Variants in CSMD2 observed in about 807,000 individuals in gnomAD.
CSMD2 encodes the protein CUB and sushi domain-containing protein 2.
Under a neutral mutation model 398.5 loss-of-function variants are expected in CSMD2, and 130 were observed. That is an observed-to-expected ratio of 0.33 (90% CI 0.28 to 0.38). The LOEUF is 0.38. Among genes scored for constraint, CSMD2 ranks in the 10% least tolerant of loss-of-function variants. The probability of loss-of-function intolerance (pLI) is 1.00; values close to 1 mark genes in which losing one functional copy is unlikely to be tolerated. For missense variants in CSMD2, 3,829 were observed against 4,764.9 expected (o/e 0.80, Z 5.78); for synonymous variants, 1,828 against 1,908.5 (o/e 0.96, Z 1.10).
At chr1:33,908,377 C>T (rs532924974) in intron 5 of CSMD2, among the ~76,000 whole-genome samples, 3 of 152,368 alleles carry the variant, frequency 2.0e-5, no homozygotes, top group African/African-American at 7.2e-5. Flanking sequence ...CCCAGAACAA[C>T]TCCTTCCATC....
Position 33,663,068 on chromosome 1 carries a change from T to C in CSMD2, c.4077A>G (p.Thr1359=). The change falls in exon 26 of 71, where the codon ACA becomes ACG. Residue 1359 remains threonine, a synonymous_variant. Coordinates refer to ENST00000373381, the MANE Select transcript of CSMD2 (RefSeq NM_001281956.2). The part of the protein sequence containing the change: ...TIGLHFLVFD[T]EEVHDVLRIW... ...TGCGCAGCACGTCGTGAACCTCCTCTGTGTCAAACACCAGGAAGTGTAGCC... is the reference window on the plus strand; with the variant it reads ...TGCGCAGCACGTCGTGAACCTCCTCCGTGTCAAACACCAGGAAGTGTAGCC... The C allele has an allele frequency of 6.2e-7, 1 of 1,614,028 alleles. No individual in the cohort carries two copies.
At chr1:33,799,980 TAG>T (rs776425102) in intron 10 of CSMD2, among the ~76,000 whole-genome samples, 76 of 152,346 alleles carry the variant, frequency 5.0e-4, no homozygotes, top group Middle Eastern at 3.4e-3. Context: ...AACTGCAGGA[TAG>T]AGTTCAGCAT....
rs1644185110 is a variant in CSMD2, at chr1:33,662,894, A to C, written c.4251T>G (p.Phe1417Leu). 1 of 1,614,142 alleles carries C rather than the reference A, an allele frequency of 6.2e-7. No individual in the cohort carries two copies. The highest frequency in any genetic ancestry group is 1.1e-5 in the South Asian group (1 of 91,078). The change falls in exon 26 of 71, where the codon TTT (phenylalanine) becomes TTG (leucine). Residue 1417 changes from phenylalanine to leucine, a missense_variant. By Grantham distance (22) the Phe-to-Leu change is conservative. This residue lies in a region of CSMD2 where 2,001 missense variants were observed against 2,567.1 expected (regional missense o/e 0.78). Coordinates refer to ENST00000373381, the MANE Select transcript of CSMD2 (RefSeq NM_001281956.2). ...FTSKQGFAIQFSVSTATSCND... is the reference protein window; with the variant it reads ...FTSKQGFAIQLSVSTATSCND... Reference sequence around the variant, plus strand: ...TGGCAGAGGGCACGCACAGACCTGAAAATTGAATGGCAAAGCCCTGCTTGC... The same window carrying C: ...TGGCAGAGGGCACGCACAGACCTGACAATTGAATGGCAAAGCCCTGCTTGC...
intron 12 of CSMD2, among the ~76,000 whole-genome samples, chr1:33,778,409 G>C (rs989797321): frequency 2.0e-5 from 3 of 152,028 alleles, no homozygotes. Flanking sequence ...CTAGACATTG[G>C]GGGTATAACA....
chr1:33,872,452 T>C (rs972021863), intron 5 of CSMD2, among the ~76,000 whole-genome samples: 5 of 152,122 alleles, frequency 3.3e-5, no homozygotes, highest in Non-Finnish European at 7.3e-5. Flanking sequence ...CATGGTATTA[T>C]TCAGTCATAC....
chr1:33,724,361 A>G lies in CSMD2; in HGVS notation c.2885-48T>C, dbSNP rs758329137. On this transcript the variant is annotated intron_variant, in intron 18 of 70. Coordinates refer to ENST00000373381, the MANE Select transcript of CSMD2 (RefSeq NM_001281956.2). ...AGTGAAAGACCAGAGGGCCTCAGGG[A>G]GCACCCCCGTCATCCTCCTGGGACC... 4 of 1,525,430 alleles carry G rather than the reference A, an allele frequency of 2.6e-6. No individual in the cohort carries two copies. In the African/African-American group the frequency reaches 4.1e-5, roughly 16 times the overall value. The allele number at this position is 1,525,430 out of a possible 1,614,324, so 94.5% of individuals were successfully genotyped here.
At position 33,580,792 on chromosome 1, in the gene CSMD2, G is replaced by A; in HGVS notation, c.7348C>T (p.His2450Tyr). 6.2e-7 allele frequency: 1 copy of A among 1,614,152 alleles called. No homozygotes were observed. Among genetic ancestry groups the A allele is most frequent in the Non-Finnish European group, 8.5e-7 (1 of 1,180,032 alleles). Reference sequence around the variant, plus strand: ...TTGAAGCCCTTCCGATTGTAGGCGTGATCAGATGACCAACGCAGGTACACA... The same window carrying A: ...TTGAAGCCCTTCCGATTGTAGGCGTAATCAGATGACCAACGCAGGTACACA... ...NSVYLRWSSD[H>Y]AYNRKGFKIR... Residue 2450 changes from histidine to tyrosine, a missense_variant, in exon 48 of 71, where the codon CAC becomes TAC. By Grantham distance (83) the His-to-Tyr change is moderately conservative. Coordinates refer to ENST00000373381, the MANE Select transcript of CSMD2 (RefSeq NM_001281956.2).
chr1:33,939,599 G>C (rs184552320), intron 3 of CSMD2, among the ~76,000 whole-genome samples: 3 of 152,104 alleles, frequency 2.0e-5, no homozygotes, highest in African/African-American at 7.2e-5. Flanking sequence ...TTCTTCCTTC[G>C]AAATTAATGA....
intron 68 of CSMD2, among the ~76,000 whole-genome samples, chr1:33,520,600 G>T (rs2641960): frequency 6.6e-6 from 1 of 152,214 alleles, no homozygotes; most frequent in African/African-American, 2.4e-5. Context: ...CTGTGTGGAA[G>T]ACAGTGGTCT....
At chr1:33,960,488 C>T (rs1312743880) in intron 3 of CSMD2, among the ~76,000 whole-genome samples, 2 of 152,234 alleles carry the variant, frequency 1.3e-5, no homozygotes, top group African/African-American at 4.8e-5. Flanking sequence ...GTGGAGCAGT[C>T]TGGGCCAGCC....
At chr1:33,906,345 G>C (rs72663994) in intron 5 of CSMD2, among the ~76,000 whole-genome samples, 1 of 152,186 alleles carries the variant, frequency 6.6e-6, no homozygotes, top group African/African-American at 2.4e-5. Flanking sequence ...CTTTTGCCTG[G>C]GGCTTAGCAT....
chr1:34,066,406 C>T (rs931628731), intron 2 of CSMD2, among the ~76,000 whole-genome samples: 6 of 152,304 alleles, frequency 3.9e-5, no homozygotes, highest in African/African-American at 1.2e-4. Flanking sequence ...TCTCCCTCAG[C>T]GTTCCCTGAT....
At chr1:33,780,151 C>T (rs1652533730) in intron 12 of CSMD2, among the ~76,000 whole-genome samples, 1 of 152,142 alleles carries the variant, frequency 6.6e-6, no homozygotes, top group Non-Finnish European at 1.5e-5. Context: ...GCATCCCTTC[C>T]ACTCTTTGTA....
chr1:33,559,642 TTC>T lies in CSMD2; in HGVS notation c.8381-171_8381-170del, dbSNP rs1403393121. 1.3e-5 allele frequency among the ~76,000 whole-genome samples: 2 copies of T among 152,188 alleles called. No homozygotes were observed. The highest frequency in any genetic ancestry group is 2.9e-5 in the Non-Finnish European group (2 of 68,042). On this transcript the variant is annotated intron_variant, in intron 53 of 70. Transcript: ENST00000373381. This position sits in a 1 kb window ranked among gnomAD's most constrained non-coding sequence, Gnocchi z 4.0. Reference sequence around the variant, plus strand: ...ATAAACTGAAATTGTCAGGGGAACATTCTGTCTGCCTTGAAGATATGTCTGTA... The same window carrying T: ...ATAAACTGAAATTGTCAGGGGAACATTGTCTGCCTTGAAGATATGTCTGTA...
chr1:34,115,870 T>A (rs1006053312), intron 1 of CSMD2, among the ~76,000 whole-genome samples: 2 of 151,974 alleles, frequency 1.3e-5, no homozygotes, highest in Admixed American at 1.3e-4. Flanking sequence ...CTGAGGCTTA[T>A]TATCAGTCTA....
intron 2 of CSMD2, among the ~76,000 whole-genome samples, chr1:34,087,612 TATA>T (rs71717621): frequency 0.27 from 37,834 of 137,966 alleles, 5,119 homozygotes; most frequent in Admixed American, 0.35. Context: ...GAACTTAAAG[TATA>T]ATAATAATAA....
intron 62 of CSMD2, among the ~76,000 whole-genome samples, chr1:33,536,807 T>C (rs905075191): frequency 6.6e-6 from 1 of 152,222 alleles, no homozygotes; most frequent in Non-Finnish European, 1.5e-5. Context: ...CTGTCCTTCC[T>C]CATCAGTTTC....
chr1:33,973,174 C>G (rs1406040876), intron 3 of CSMD2, among the ~76,000 whole-genome samples: 1 of 152,216 alleles, frequency 6.6e-6, no homozygotes, highest in Non-Finnish European at 1.5e-5. Context: ...CCTCCCCTGC[C>G]CACACTATCT....
At chr1:33,911,921 A>G (rs966950408) in intron 5 of CSMD2, among the ~76,000 whole-genome samples, 1 of 152,068 alleles carries the variant, frequency 6.6e-6, no homozygotes, top group Non-Finnish European at 1.5e-5. Flanking sequence ...GGATCAAGGA[A>G]CTCCCACACT....
Sources: allele counts gnomAD v4.1 joint callset (sites outside exome capture counted in the v4.1 genomes callset), GRCh38; gene constraint gnomAD v4.1.1; regional missense constraint gnomAD v4.1.1; non-coding constraint Gnocchi (gnomAD v3.1); transcripts MANE v1.5; gene names NCBI Gene and HGNC (gene_info 2026-07-23, HGNC 2026-07-21).